PTGER3: variants seen among roughly 807,000 people sequenced by gnomAD.
PTGER3 encodes the protein prostaglandin E2 receptor EP3 subtype.
PTGER3 carries 22 observed loss-of-function variants against 34.7 expected under a neutral mutation model. The observed-to-expected ratio is 0.63, with a 90% confidence interval of 0.45 to 0.91. The LOEUF (loss-of-function observed/expected upper bound fraction) is 0.91. PTGER3 is among the 40% of genes least tolerant of loss of function. PTGER3 has a pLI of 0.00. For missense variants in PTGER3, 468 were observed against 519.4 expected (o/e 0.90, Z 0.96); for synonymous variants, 241 against 230.1 (o/e 1.05, Z -0.43).
chr1:70,907,962 C>G (rs17541646), intron 4 of PTGER3, among the ~76,000 whole-genome samples: 5,355 of 152,256 alleles, frequency 0.035, 173 homozygotes, highest in South Asian at 0.15. Flanking sequence ...ATCAGGCCAT[C>G]AGCTTGTGTA....
rs1262767758 is a variant in PTGER3, at chr1:71,047,573, T to G, written c.5A>C (p.Lys2Thr). The change falls in exon 1 of 4, where the codon AAG (lysine) becomes ACG (threonine). Residue 2 changes from lysine (K) to threonine (T), a missense_variant. Lys to Thr is a moderately conservative substitution (Grantham distance 78). Coordinates refer to ENST00000306666, the MANE Select transcript of PTGER3 (RefSeq NM_198719.2). M[K>T]ETRGYGGDAP... ...ATCCCCTCCGTAGCCCCGGGTCTCC[T>G]TCATGTTGGCTTCGAGGTGAGGAGG... 6.5e-7 allele frequency: 1 copy of G among 1,540,514 alleles called. No homozygotes were observed. Among genetic ancestry groups the G allele is most frequent in the Non-Finnish European group, 8.8e-7 (1 of 1,137,924 alleles).
At chr1:71,024,680 G>C (rs1479354568) in intron 1 of PTGER3, among the ~76,000 whole-genome samples, 2 of 128,238 alleles carry the variant, frequency 1.6e-5, no homozygotes, top group Non-Finnish European at 3.1e-5. Flanking sequence ...TCAGCCTCTC[G>C]AGTAGCTGGG....
rs776429620 is a variant in PTGER3 at position 70,973,248 on chromosome 1, T to G, written c.1169+1049A>C. The stretch of plus-strand genomic sequence containing the variant: ...ATAGATAGATAGATAGATAGATAGA[T>G]AGATAGATAGATAGATAGATGATAG... On this transcript the variant is annotated intron_variant, in intron 3 of 3. Coordinates refer to ENST00000306666, the MANE Select transcript of PTGER3 (RefSeq NM_198719.2). 3.3e-5 allele frequency among the ~76,000 whole-genome samples: 5 copies of G among 150,992 alleles called. No homozygotes were observed. In the South Asian group the frequency reaches 6.3e-4, roughly 19 times the overall value.
At chr1:70,878,010 C>A (rs1430813545) in intron 4 of PTGER3, among the ~76,000 whole-genome samples, 2 of 151,910 alleles carry the variant, frequency 1.3e-5, no homozygotes, top group Non-Finnish European at 2.9e-5. Flanking sequence ...TGGAATAGTT[C>A]AATAGAATTG....
intron 2 of PTGER3, among the ~76,000 whole-genome samples, chr1:70,993,543 C>T (rs1426106464): frequency 1.3e-5 from 2 of 152,122 alleles, no homozygotes; most frequent in African/African-American, 4.8e-5. Context: ...ATTAACAAAA[C>T]TGAGGTGTAG....
At chr1:70,866,286 T>C (rs1332924842) in intron 4 of PTGER3, among the ~76,000 whole-genome samples, 2 of 152,306 alleles carry the variant, frequency 1.3e-5, no homozygotes, top group East Asian at 1.9e-4. Context: ...GTGCCAACTG[T>C]TGATGCTTCT....
intron 1 of PTGER3, 102 bp downstream of exon 1, chr1:71,046,579 G>A (rs1052825869): frequency 5.8e-6 from 8 of 1,372,010 alleles, no homozygotes; most frequent in Admixed American, 5.5e-5. Context: ...AGCGCTCTGC[G>A]GTTGCAAACA....
chr1:70,853,665 T>C (rs140998211), intron 4 of PTGER3, among the ~76,000 whole-genome samples: 16 of 152,312 alleles, frequency 1.1e-4, no homozygotes, highest in Admixed American at 9.8e-4. Context: ...TACCATCTGA[T>C]ATTTGCTGAA....
At chr1:71,046,090 G>A (rs1660760414) in intron 1 of PTGER3, among the ~76,000 whole-genome samples, 1 of 151,018 alleles carries the variant, frequency 6.6e-6, no homozygotes, top group African/African-American at 2.4e-5. Flanking sequence ...TCAGGAGATC[G>A]AGACCACGGT....
intron 1 of PTGER3, among the ~76,000 whole-genome samples, chr1:71,039,841 A>G (rs529820667): frequency 3.4e-4 from 52 of 152,120 alleles, no homozygotes; most frequent in South Asian, 8.3e-4. Context: ...TCTCAACACA[A>G]GAGTCAACAC....
chr1:70,933,473 C>A (rs530825940), intron 4 of PTGER3, among the ~76,000 whole-genome samples: 2 of 152,304 alleles, frequency 1.3e-5, no homozygotes, highest in African/African-American at 4.8e-5. Flanking sequence ...TTGCCGATAT[C>A]ATTTAATATA....
intron 2 of PTGER3, among the ~76,000 whole-genome samples, chr1:70,989,210 C>T (rs186843187): frequency 6.6e-6 from 1 of 152,188 alleles, no homozygotes; most frequent in Non-Finnish European, 1.5e-5. Flanking sequence ...TAACTCACTA[C>T]AGACCTGGAA....
intron 4 of PTGER3, among the ~76,000 whole-genome samples, chr1:70,864,375 A>G (rs1490123621): frequency 1.3e-5 from 2 of 152,180 alleles, no homozygotes; most frequent in Non-Finnish European, 2.9e-5. Context: ...ATCTCTAGCA[A>G]TTAGGGTGCC....
intron 4 of PTGER3, among the ~76,000 whole-genome samples, chr1:70,919,056 A>T (rs1647293712): frequency 6.6e-6 from 1 of 152,142 alleles, no homozygotes; most frequent in Admixed American, 6.6e-5. Flanking sequence ...GCCTGGGCTT[A>T]TTTGAAATGA....
intron 3 of PTGER3, among the ~76,000 whole-genome samples, chr1:70,953,245 C>A (rs930699086): frequency 6.6e-6 from 1 of 151,906 alleles, no homozygotes; most frequent in Non-Finnish European, 1.5e-5. Context: ...AGGTTATATG[C>A]AAATACTACT....
At chr1:70,919,389 A>G (rs1483114161) in intron 4 of PTGER3, among the ~76,000 whole-genome samples, 1 of 152,192 alleles carries the variant, frequency 6.6e-6, no homozygotes, top group Non-Finnish European at 1.5e-5. Context: ...CCATCATGAA[A>G]TATCTTTCCT....
intron 4 of PTGER3, among the ~76,000 whole-genome samples, chr1:70,941,521 A>G (rs1462097867): frequency 1.3e-5 from 2 of 152,138 alleles, no homozygotes; most frequent in Non-Finnish European, 2.9e-5. Context: ...TCTTATGTGT[A>G]TGACTTACTG....
chr1:71,043,077 T>C (rs1197967499), intron 1 of PTGER3, among the ~76,000 whole-genome samples: 1 of 152,240 alleles, frequency 6.6e-6, no homozygotes, highest in Non-Finnish European at 1.5e-5. Context: ...CATAGCTTCC[T>C]TTGAACAAAA....
intron 2 of PTGER3, among the ~76,000 whole-genome samples, chr1:70,980,209 G>C (rs1654126514): frequency 6.6e-6 from 1 of 152,134 alleles, no homozygotes; most frequent in South Asian, 2.1e-4. Context: ...AGATTGGATA[G>C]GGGTGGATGG....
Sources: gnomAD v4.1 joint callset for allele counts (sites outside exome capture counted in the v4.1 genomes callset) on GRCh38, gnomAD v4.1.1 for gene constraint, MANE v1.5 for transcripts, NCBI Gene and HGNC (gene_info 2026-07-23, HGNC 2026-07-21) for gene names.